The following SLC4A1AP variants were observed in gnomAD, a reference collection of about 807,000 sequenced individuals.
The protein encoded by SLC4A1AP is solute carrier family 4 member 1 adaptor protein.
SLC4A1AP carries 64 observed loss-of-function variants against 89.7 expected under a neutral mutation model. The ratio of observed to expected loss-of-function variants is 0.71; its 90% CI spans 0.58 to 0.88. The LOEUF is 0.88. SLC4A1AP is among the 40% of genes least tolerant of loss of function. SLC4A1AP has a pLI of 0.00. For missense variants in SLC4A1AP, 931 were observed against 965.0 expected, an observed-to-expected ratio of 0.96 and a Z score of 0.47; for synonymous variants, 366 against 353.3, an observed-to-expected ratio of 1.04 and a Z score of -0.40.
intron 5 of SLC4A1AP, among the ~76,000 whole-genome samples, chr2:27,673,937 A>G (rs1414829511): frequency 6.6e-6 from 1 of 152,062 alleles, no homozygotes; most frequent in East Asian, 1.9e-4. Flanking sequence ...AAGTTCTGAA[A>G]CCATAACTTA....
chr2:27,682,286 A>G, exon 9 of SLC4A1AP: 1 of 1,613,910 alleles, frequency 6.2e-7, no homozygotes, highest in South Asian at 1.1e-5. Flanking sequence ...AACAAAGCTA[A>G]AAAGCTTACA....
At chr2:27,690,899 G>A (rs1675777862) in intron 12 of SLC4A1AP, among the ~76,000 whole-genome samples, 1 of 152,050 alleles carries the variant, frequency 6.6e-6, no homozygotes, top group African/African-American at 2.4e-5. Flanking sequence ...TATTGAATAG[G>A]GTGTATTATT....
chr2:27,694,409 A>G (rs1333546479), intron 13 of SLC4A1AP, among the ~76,000 whole-genome samples: 1 of 152,176 alleles, frequency 6.6e-6, no homozygotes, highest in Non-Finnish European at 1.5e-5. Flanking sequence ...TTAGTAACTA[A>G]TATAATTTAG....
At chr2:27,667,709 T>C (rs1675355728) in intron 3 of SLC4A1AP, among the ~76,000 whole-genome samples, 1 of 152,156 alleles carries the variant, frequency 6.6e-6, no homozygotes, top group Admixed American at 6.5e-5. Flanking sequence ...GCCAACTTCC[T>C]GTAGTTTTTT....
intron 5 of SLC4A1AP, among the ~76,000 whole-genome samples, chr2:27,674,509 C>T (rs1675481728): frequency 6.6e-6 from 1 of 151,948 alleles, no homozygotes; most frequent in African/African-American, 2.4e-5. Flanking sequence ...TACATTCCCA[C>T]CAATTATTAA....
At chr2:27,674,046 G>C (rs1247921760) in intron 5 of SLC4A1AP, among the ~76,000 whole-genome samples, 1 of 151,340 alleles carries the variant, frequency 6.6e-6, no homozygotes, top group Non-Finnish European at 1.5e-5. Flanking sequence ...GAGTGAGTCT[G>C]TCTCACGAGT....
At chr2:27,693,491 C>T in intron 12 of SLC4A1AP, 194 bp from the exon 13 acceptor site, 1 of 546,666 alleles carries the variant, frequency 1.8e-6, no homozygotes. Flanking sequence ...TGACAAATTC[C>T]CTCAGCATGT....
intron 12 of SLC4A1AP, among the ~76,000 whole-genome samples, chr2:27,689,205 C>T (rs1177204939): frequency 3.3e-5 from 5 of 152,084 alleles, no homozygotes; most frequent in Non-Finnish European, 5.9e-5. Flanking sequence ...CGTTATCTAA[C>T]AGTTCCTTAC....
intron 8 of SLC4A1AP, 122 bp downstream of exon 8, chr2:27,678,046 A>G: frequency 1.6e-6 from 1 of 616,344 alleles, no homozygotes; most frequent in Non-Finnish European, 2.6e-6. Flanking sequence ...GGAACCCTTT[A>G]AAGCACAGAA....
intron 12 of SLC4A1AP, 137 bp from the exon 13 acceptor site, chr2:27,693,547 GT>G (rs1244710986): frequency 1.6e-6 from 1 of 606,326 alleles, no homozygotes; most frequent in East Asian, 3.0e-5. Flanking sequence ...ATGAAACTTA[GT>G]TTTGTTGGAT....
intron 6 of SLC4A1AP, among the ~76,000 whole-genome samples, chr2:27,676,307 A>C (rs1167462732): frequency 6.6e-6 from 1 of 152,240 alleles, no homozygotes; most frequent in Non-Finnish European, 1.5e-5. Context: ...TTAAAAATGC[A>C]TTGATTCAGC....
At chr2:27,668,735 C>T in intron 3 of SLC4A1AP, 108 bp from the exon 4 acceptor site, 1 of 1,020,430 alleles carries the variant, frequency 9.8e-7, no homozygotes, top group Non-Finnish European at 1.5e-6. Flanking sequence ...CAGGCGTGAG[C>T]CACTGCTAGG....
chr2:27,664,431 A>G (rs1257291111), exon 1 of SLC4A1AP: 1 of 1,614,208 alleles, frequency 6.2e-7, no homozygotes, highest in South Asian at 1.1e-5. Context: ...ATGCGACAGC[A>G]ACGGGCCGGG....
intron 2 of SLC4A1AP, 48 bp downstream of exon 2, chr2:27,665,343 C>T: frequency 6.8e-7 from 1 of 1,465,586 alleles, no homozygotes; most frequent in Non-Finnish European, 9.3e-7. Context: ...AAGTTCATTA[C>T]AAGTGGTACC....
At chr2:27,678,014 A>G (rs796274945) in intron 8 of SLC4A1AP, 90 bp downstream of exon 8, 3 of 881,732 alleles carry the variant, frequency 3.4e-6, no homozygotes, top group African/African-American at 3.4e-5. Flanking sequence ...AATAATCATT[A>G]TATAATACAA....
intron 9 of SLC4A1AP, among the ~76,000 whole-genome samples, chr2:27,684,714 A>G (rs934327361): frequency 6.6e-6 from 1 of 152,186 alleles, no homozygotes; most frequent in Non-Finnish European, 1.5e-5. Context: ...ATCAATTGAA[A>G]TCCTTTAATA....
At chr2:27,666,267 G>C (rs1417673702) in intron 2 of SLC4A1AP, among the ~76,000 whole-genome samples, 1 of 146,006 alleles carries the variant, frequency 6.8e-6, no homozygotes, top group Non-Finnish European at 1.5e-5. Flanking sequence ...TTAGATCTTT[G>C]GGAAACTTAA....
At chr2:27,683,999 G>A (rs1675663388) in intron 9 of SLC4A1AP, among the ~76,000 whole-genome samples, 1 of 151,998 alleles carries the variant, frequency 6.6e-6, no homozygotes, top group South Asian at 2.1e-4. Context: ...GCCTCACTAT[G>A]TATTCTGAAT....
At chr2:27,686,817 A>G (rs2148139671) in intron 10 of SLC4A1AP, among the ~76,000 whole-genome samples, 1 of 152,306 alleles carries the variant, frequency 6.6e-6, no homozygotes, top group South Asian at 2.1e-4. Context: ...ATTTGCAGTG[A>G]TGAGGGATTA....
Sources: gnomAD v4.1 joint callset for allele counts (sites outside exome capture counted in the v4.1 genomes callset) on GRCh38, gnomAD v4.1.1 for gene constraint, MANE v1.5 for transcripts, NCBI Gene and HGNC (gene_info 2026-07-23, HGNC 2026-07-21) for gene names.